Variants in ALG6 observed in about 807,000 individuals in gnomAD.
ALG6 encodes the protein dolichyl pyrophosphate Man9GlcNAc2 alpha-1,3-glucosyltransferase.
In ALG6, 46 loss-of-function variants were observed where a neutral mutation model predicts 66.6. The observed-to-expected ratio is 0.69, with a 90% CI of 0.55 to 0.88. ALG6 has a LOEUF of 0.88. Among genes scored for constraint, ALG6 ranks in the 40% least tolerant of loss-of-function variants. The pLI is 0.00. For missense variants in ALG6, 505 were observed against 586.8 expected, an observed-to-expected ratio of 0.86 and a Z score of 1.44; for synonymous variants, 185 against 203.7, an observed-to-expected ratio of 0.91 and a Z score of 0.78.
At chr1:63,369,313 G>A (rs759050259) in intron 1 of ALG6, among the ~76,000 whole-genome samples, 23 of 152,126 alleles carry the variant, frequency 1.5e-4, no homozygotes, top group Admixed American at 5.2e-4. Flanking sequence ...GAGTTATCCC[G>A]TGATGTTTTT....
intron 2 of ALG6, among the ~76,000 whole-genome samples, chr1:63,375,477 C>G (rs996290247): frequency 2.2e-5 from 3 of 136,438 alleles, no homozygotes; most frequent in Non-Finnish European, 4.6e-5. Context: ...CCAGCCTGGT[C>G]TCAAACTCCT....
chr1:63,418,708 T>A (rs996748804), intron 11 of ALG6, among the ~76,000 whole-genome samples: 24 of 151,896 alleles, frequency 1.6e-4, no homozygotes, highest in African/African-American at 5.6e-4. Context: ...AGATGGAGGG[T>A]GGCTTAGACC....
Position 63,370,932 on chromosome 1 carries a change from T to A in ALG6, c.-46T>A, listed in dbSNP as rs773863311. ...GATTGACCACGTTTTAAAAGTACTC[T>A]GGCACTGGTGCTGTGTTTTCTTCCC... On this transcript the variant is annotated 5_prime_UTR_variant, in exon 2 of 15. Transcript: ENST00000263440. 6 of 1,135,980 alleles carry A rather than the reference T, an allele frequency of 5.3e-6. No homozygotes were observed. The South Asian group carries it at 6.1e-5, about 12-fold the overall frequency. 70.4% of individuals were successfully genotyped at this position (1,135,980 alleles called of 1,614,324 possible). A position where few individuals can be genotyped will look rare whatever the true frequency, so the allele number is the denominator to read the frequency against.
Position 63,428,545 on chromosome 1 carries a change from T to G in ALG6, c.1059-188T>G, listed in dbSNP as rs1644629205. The G allele has an allele frequency of 1.4e-5, 7 of 493,162 alleles. No homozygotes were observed. The East Asian group carries it at 2.3e-4, about 17-fold the overall frequency. 30.5% of individuals were successfully genotyped at this position (493,162 alleles called of 1,614,324 possible). The stretch of plus-strand genomic sequence containing the variant: ...TTATTATGAGGAGTTGACACCTCTG[T>G]GCCTGTGTCTAGGCTAATTTAGTCT... On this transcript the variant is annotated intron_variant, in intron 12 of 14. Transcript: ENST00000263440.
At chr1:63,374,755 A>C (rs1648062930) in intron 2 of ALG6, among the ~76,000 whole-genome samples, 1 of 152,222 alleles carries the variant, frequency 6.6e-6, no homozygotes, top group Non-Finnish European at 1.5e-5. Context: ...TCCTCACATC[A>C]GATCATTTAG....
intron 1 of ALG6, among the ~76,000 whole-genome samples, chr1:63,369,967 C>CCTTCCAAATTA (rs1439021829): frequency 6.6e-6 from 1 of 151,852 alleles, no homozygotes; most frequent in Non-Finnish European, 1.5e-5. Flanking sequence ...CACAGGCGAG[C>CCTTCCAAATTA]GCCACCATAC....
At chr1:63,399,336 C>T (rs1271642108) in intron 3 of ALG6, among the ~76,000 whole-genome samples, 2 of 152,150 alleles carry the variant, frequency 1.3e-5, no homozygotes. Context: ...TATCCTATCA[C>T]ATTTACCATA....
Position 63,428,997 on chromosome 1 carries a change from A to G in ALG6, c.1197A>G (p.Ile399Met). 6.2e-7 allele frequency: 1 copy of G among 1,612,364 alleles called. No individual in the cohort carries two copies. The highest frequency in any genetic ancestry group is 2.2e-5 in the East Asian group (1 of 44,730). Residue 399 changes from isoleucine (I) to methionine (M), a missense_variant, in exon 14 of 15, where the codon ATA (isoleucine) becomes ATG (methionine). Transcript: ENST00000263440. Reference sequence around the variant, plus strand: ...TTGTGACAACAATGGCATTTTTTATAGCTTGTGTAACTTCCTTTTCAATAT... The same window carrying G: ...TTGTGACAACAATGGCATTTTTTATGGCTTGTGTAACTTCCTTTTCAATAT... ...PSVVTTMAFF[I>M]ACVTSFSIFE...
intron 12 of ALG6, among the ~76,000 whole-genome samples, chr1:63,424,841 C>CA (rs1644606849): frequency 7.1e-6 from 1 of 141,014 alleles, no homozygotes; most frequent in Non-Finnish European, 1.5e-5. Flanking sequence ...TACAGTGGTG[C>CA]AATCTTAGCT....
chr1:63,420,059 C>T (rs918513302), intron 12 of ALG6, among the ~76,000 whole-genome samples: 3 of 152,180 alleles, frequency 2.0e-5, no homozygotes, highest in Non-Finnish European at 4.4e-5. Context: ...TACTGCTCTA[C>T]CCCTCACCCT....
In ALG6 at chr1:63,370,836, C is replaced by G. The variant is rs752876663; in HGVS notation, c.-142C>G. ...AAACCAAGCATCATTAAAATTCTCT[C>G]AAACTCCTAATTGCGAAGAATCGAT... On this transcript the variant is annotated 5_prime_UTR_variant, in exon 2 of 15. Coordinates refer to ENST00000263440, the MANE Select transcript of ALG6 (RefSeq NM_013339.4). 4 of 698,606 alleles carry G rather than the reference C, an allele frequency of 5.7e-6. No homozygotes were observed. Among genetic ancestry groups the G allele is most frequent in the African/African-American group, 5.3e-5 (3 of 56,090 alleles). 43.3% of individuals were successfully genotyped at this position (698,606 alleles called of 1,614,324 possible).
chr1:63,377,523 C>T (rs17124923), intron 2 of ALG6, among the ~76,000 whole-genome samples: 26,232 of 151,936 alleles, frequency 0.17, 2,383 homozygotes, highest in Middle Eastern at 0.31. Flanking sequence ...TGGAAATTTT[C>T]AGTTGCATAT....
intron 2 of ALG6, among the ~76,000 whole-genome samples, chr1:63,382,361 C>G (rs1480751917): frequency 1.3e-5 from 2 of 151,854 alleles, no homozygotes; most frequent in African/African-American, 2.4e-5. Flanking sequence ...GCCACCACGC[C>G]CAGCTAATTT....
intron 14 of ALG6, among the ~76,000 whole-genome samples, chr1:63,430,767 T>A (rs1316046878): frequency 3.3e-5 from 5 of 152,214 alleles, no homozygotes; most frequent in African/African-American, 4.8e-5. Context: ...AGAGTTTTTT[T>A]AATATATATT....
At position 63,429,033 on chromosome 1, in the gene ALG6, T is replaced by G. The variant is rs779564374; in HGVS notation, c.1233T>G (p.Thr411=). 2 of 1,608,422 alleles carry G rather than the reference T, an allele frequency of 1.2e-6. No individual in the cohort carries two copies. The highest frequency in any genetic ancestry group is 4.5e-5 in the East Asian group (2 of 44,714). Reference sequence around the variant, plus strand: ...CTTCCTTTTCAATATTTGAAAAGACTTCTGAAGAAGAACTGCAGTTGAAAT... The same window carrying G: ...CTTCCTTTTCAATATTTGAAAAGACGTCTGAAGAAGAACTGCAGTTGAAAT... ...CVTSFSIFEK[T]SEEELQLKSF... The change falls in exon 14 of 15, where the codon ACT becomes ACG. Residue 411 remains threonine, a synonymous_variant. Transcript: ENST00000263440.
At chr1:63,402,690 C>A (rs1308992367) in intron 4 of ALG6, among the ~76,000 whole-genome samples, 2 of 148,758 alleles carry the variant, frequency 1.3e-5, no homozygotes, top group African/African-American at 4.9e-5. Flanking sequence ...TGGTCTCAAA[C>A]TCCTGACCTT....
At chr1:63,403,554 G>T (rs1644475746) in intron 4 of ALG6, among the ~76,000 whole-genome samples, 1 of 152,176 alleles carries the variant, frequency 6.6e-6, no homozygotes, top group Non-Finnish European at 1.5e-5. Flanking sequence ...AACTCATCTT[G>T]TTTAATTTCT....
intron 4 of ALG6, among the ~76,000 whole-genome samples, 162 bp downstream of exon 4, chr1:63,402,505 C>T (rs575481742): frequency 8.1e-6 from 1 of 122,808 alleles, no homozygotes; most frequent in Non-Finnish European, 1.6e-5. Flanking sequence ...CTCACTCCAT[C>T]GCCCAGGCTG....
rs1057522483 is a variant in ALG6, at chr1:63,414,165, G to A, written c.902+19G>A. 33 of 1,506,470 alleles carry A rather than the reference G, an allele frequency of 2.2e-5. No homozygotes were observed. Among genetic ancestry groups the A allele is most frequent in the Non-Finnish European group, 3.0e-5 (33 of 1,083,254 alleles). 93.3% of individuals were successfully genotyped at this position (1,506,470 alleles called of 1,614,324 possible). On this transcript the variant is annotated intron_variant, in intron 10 of 14. Coordinates refer to ENST00000263440, the MANE Select transcript of ALG6 (RefSeq NM_013339.4). ...TAATGAGGTAAGAGAAACAAAGTTT[G>A]TATGTAGTATTTTATAAGTTACTCT...
Sources: gnomAD v4.1 joint callset for allele counts (sites outside exome capture counted in the v4.1 genomes callset) on GRCh38, gnomAD v4.1.1 for gene constraint, MANE v1.5 for transcripts, NCBI Gene and HGNC (gene_info 2026-07-23, HGNC 2026-07-21) for gene names.